The following SLC30A6 variants were observed in gnomAD, a reference collection of about 807,000 sequenced individuals.
The protein encoded by SLC30A6 is zinc transporter 6.
SLC30A6 carries 55 observed loss-of-function variants against 63.0 expected under a neutral mutation model. The observed-to-expected ratio is 0.87, with a 90% CI of 0.70 to 1.09. The LOEUF (loss-of-function observed/expected upper bound fraction) is 1.09. SLC30A6 is among the 50% of genes least tolerant of loss of function. SLC30A6 has a pLI of 0.00. For synonymous variants in SLC30A6, 224 were observed against 186.1 expected (o/e 1.20, Z -1.66); for missense variants, 587 against 549.2 (o/e 1.07, Z -0.69).
At chr2:32,216,753 GGTT>G (rs1232734559) in intron 13 of SLC30A6, among the ~76,000 whole-genome samples, 4 of 151,448 alleles carry the variant, frequency 2.6e-5, no homozygotes, top group Non-Finnish European at 5.9e-5. Context: ...TTTTTAATGG[GGTT>G]GTTTTTTGCT....
rs143049848 is a variant in SLC30A6, at chr2:32,206,897, C to G, written c.780C>G (p.Pro260=). The stretch of plus-strand genomic sequence containing the variant: ...GTATTTTTCCCCAGACAACACCACC[C>G]CATGTTATTGGTCAGTTGGACAAAC... ...SGKVLLQTTP[P]HVIGQLDKLI... The change falls in exon 12 of 14, where the codon CCC becomes CCG. Residue 260 remains proline, a synonymous_variant. Transcript: ENST00000282587. 2.2e-5 allele frequency: 36 copies of G among 1,611,492 alleles called. No homozygotes were observed. The highest frequency in any genetic ancestry group is 6.7e-5 in the African/African-American group (5 of 74,854).
In SLC30A6 at chr2:32,181,226, G is replaced by C. The variant is rs922913136; in HGVS notation, c.219-3047G>C. On this transcript the variant is annotated intron_variant, in intron 4 of 13. Coordinates refer to ENST00000282587, the MANE Select transcript of SLC30A6 (RefSeq NM_017964.5). ...GGTACTGATTTTTTAGATTTATGTA[G>C]TAATGGGAAGTAAATTCGATCAGTG... Among the ~76,000 whole-genome samples the C allele has an allele frequency of 9.7e-4, 147 of 152,238 alleles. 1 individual carries two copies. Among genetic ancestry groups the C allele is most frequent in the African/African-American group, 3.4e-3 (142 of 41,546 alleles).
rs146127096 is a variant in SLC30A6, at chr2:32,169,391, G to A, written c.4-1896G>A. On this transcript the variant is annotated intron_variant, in intron 1 of 13. Transcript: ENST00000282587. ...AGGGTCTCAGTATATTTCCTAGGCTGGTCTTGAACTCCTGGGCTCAACTGA... is the reference window on the plus strand; with the variant it reads ...AGGGTCTCAGTATATTTCCTAGGCTAGTCTTGAACTCCTGGGCTCAACTGA... Among the ~76,000 whole-genome samples the A allele has an allele frequency of 3.9e-3, 598 of 152,046 alleles. 2 individuals are homozygous for A. Among genetic ancestry groups the A allele is most frequent in the African/African-American group, 0.014 (566 of 41,496 alleles).
rs866119993 is a variant in SLC30A6, at chr2:32,173,927, A to G, written c.91-136A>G. On this transcript the variant is annotated intron_variant, in intron 2 of 13. Coordinates refer to ENST00000282587, the MANE Select transcript of SLC30A6 (RefSeq NM_017964.5). Reference sequence around the variant, plus strand: ...AGCCGATGACAATTTTGGTAGATGTAGAAAGTGTGACACAGACTTTTTGAA... The same window carrying G: ...AGCCGATGACAATTTTGGTAGATGTGGAAAGTGTGACACAGACTTTTTGAA... The G allele has an allele frequency of 2.3e-5, 13 of 554,572 alleles. 1 individual carries two copies. The Middle Eastern group carries it at 3.6e-3, about 156-fold the overall frequency. 34.4% of individuals were successfully genotyped at this position (554,572 alleles called of 1,614,324 possible).
At chr2:32,184,414 G>A (rs1682622535) in intron 5 of SLC30A6, 76 bp downstream of exon 5, 1 of 794,928 alleles carries the variant, frequency 1.3e-6, no homozygotes, top group Admixed American at 3.2e-5. Context: ...TAAAGAGCTA[G>A]CTAGAGTATT....
At chr2:32,208,731 C>G (rs942402794) in intron 12 of SLC30A6, among the ~76,000 whole-genome samples, 2 of 151,992 alleles carry the variant, frequency 1.3e-5, no homozygotes, top group Non-Finnish European at 2.9e-5. Flanking sequence ...CCTGGCTGGA[C>G]TCGAACTCCT....
intron 3 of SLC30A6, among the ~76,000 whole-genome samples, chr2:32,174,548 A>ATTTTTTTGTTTTTTTT (rs1681541929): frequency 1.1e-5 from 1 of 92,260 alleles, no homozygotes; most frequent in Non-Finnish European, 1.9e-5. Context: ...CTATCTGGAG[A>ATTTTTTTGTTTTTTTT]TTTTTTTTTT....
intron 10 of SLC30A6, chr2:32,203,186 T>C: frequency 1.7e-6 from 2 of 1,205,604 alleles, no homozygotes. Flanking sequence ...TGGTGATTCA[T>C]GGTTCTCCTC....
At chr2:32,199,935 C>T (rs1416787757) in intron 10 of SLC30A6, among the ~76,000 whole-genome samples, 2 of 152,072 alleles carry the variant, frequency 1.3e-5, no homozygotes, top group African/African-American at 2.4e-5. Context: ...GCCAACATGG[C>T]AAAACCCCGT....
intron 13 of SLC30A6, among the ~76,000 whole-genome samples, chr2:32,219,580 A>G (rs549585510): frequency 6.6e-6 from 1 of 151,728 alleles, no homozygotes; most frequent in South Asian, 2.1e-4. Flanking sequence ...GATTACAGGC[A>G]CACGCCACTA....
In SLC30A6 at chr2:32,192,501, A is replaced by G. The variant is rs540758941; in HGVS notation, c.365+85A>G. On this transcript the variant is annotated intron_variant, in intron 6 of 13. Transcript: ENST00000282587. ...AAACCCGTCAGACACATTTGCTTTC[A>G]AGGGTATGAAAACTTAGATGAGCAG... 3.6e-5 allele frequency: 43 copies of G among 1,201,740 alleles called. 1 individual carries two copies. The South Asian group carries it at 5.1e-4, about 14-fold the overall frequency. 74.4% of individuals were successfully genotyped at this position (1,201,740 alleles called of 1,614,324 possible).
At chr2:32,219,566 CT>C (rs1201981918) in intron 13 of SLC30A6, among the ~76,000 whole-genome samples, 1 of 152,034 alleles carries the variant, frequency 6.6e-6, no homozygotes, top group East Asian at 1.9e-4. Context: ...TGCCAAGTAG[CT>C]GGGATTACAG....
At chr2:32,172,676 C>G (rs977223542) in intron 2 of SLC30A6, among the ~76,000 whole-genome samples, 1 of 152,184 alleles carries the variant, frequency 6.6e-6, no homozygotes, top group Admixed American at 6.5e-5. Flanking sequence ...TGCGACTGGT[C>G]TCACTTTGAA....
intron 13 of SLC30A6, among the ~76,000 whole-genome samples, chr2:32,210,533 AAAAAACAACAG>A (rs1377281151): frequency 6.7e-6 from 1 of 150,300 alleles, no homozygotes; most frequent in African/African-American, 2.4e-5. Flanking sequence ...AAAAAAAAAA[AAAAAACAACAG>A]AAAATGAGAT....
chr2:32,170,192 C>G (rs1027637805), intron 1 of SLC30A6, among the ~76,000 whole-genome samples: 3 of 152,064 alleles, frequency 2.0e-5, no homozygotes, highest in Admixed American at 6.5e-5. Flanking sequence ...AATAATACAT[C>G]TAGACTTTCT....
At chr2:32,200,273 A>AT (rs1420372959) in intron 10 of SLC30A6, among the ~76,000 whole-genome samples, 1 of 151,834 alleles carries the variant, frequency 6.6e-6, no homozygotes, top group East Asian at 1.9e-4. Context: ...GTTACCTTTT[A>AT]TTTTGTCACT....
At chr2:32,210,445 G>T (rs1283065591) in intron 13 of SLC30A6, among the ~76,000 whole-genome samples, 1 of 147,922 alleles carries the variant, frequency 6.8e-6, no homozygotes, top group Non-Finnish European at 1.5e-5. Flanking sequence ...AACCCGGGAG[G>T]CAGAGGTTGC....
At chr2:32,166,043 C>T in intron 1 of SLC30A6, 140 bp downstream of exon 1, 1 of 1,254,252 alleles carries the variant, frequency 8.0e-7, no homozygotes, top group Non-Finnish European at 1.2e-6. Context: ...GCAGGAGCGG[C>T]TGTCTCCCAA....
chr2:32,203,544 C>T (rs1369178054), intron 10 of SLC30A6: 34 of 1,605,258 alleles, frequency 2.1e-5, no homozygotes, highest in East Asian at 2.0e-4. Flanking sequence ...TCTTTGATCA[C>T]CTCTGATAGG....
Sources: allele counts gnomAD v4.1 joint callset (sites outside exome capture counted in the v4.1 genomes callset), GRCh38; gene constraint gnomAD v4.1.1; transcripts MANE v1.5; gene names NCBI Gene and HGNC (gene_info 2026-07-23, HGNC 2026-07-21).